TRIM26: variants seen among roughly 807,000 people sequenced by gnomAD.
TRIM26 encodes tripartite motif containing 26, also known as tripartite motif-containing protein 26.
TRIM26 carries 16 observed loss-of-function variants against 45.5 expected under a neutral mutation model. That is an observed-to-expected ratio of 0.35 (90% CI 0.24 to 0.53). The LOEUF (loss-of-function observed/expected upper bound fraction) is 0.53, where lower values mean the gene tolerates loss of function less well. TRIM26 is among the 20% of genes least tolerant of loss of function. TRIM26 has a pLI of 0.92. For missense variants in TRIM26, 442 were observed against 691.1 expected (o/e 0.64, Z 4.04); for synonymous variants, 273 against 290.4 (o/e 0.94, Z 0.61).
intron 3 of TRIM26, among the ~76,000 whole-genome samples, chr6:30,199,532 T>C (rs1403269683): frequency 2.6e-5 from 4 of 152,178 alleles, no homozygotes; most frequent in East Asian, 1.9e-4. Flanking sequence ...AAATCTACAA[T>C]GTCTACTGTG....
chr6:30,206,466 G>A (rs986405506), intron 1 of TRIM26, among the ~76,000 whole-genome samples: 2 of 152,392 alleles, frequency 1.3e-5, no homozygotes, highest in East Asian at 3.9e-4. Flanking sequence ...AGCCAGCTGG[G>A]AGGTGGATGA....
rs1383089822 is a variant in TRIM26, at chr6:30,189,340, G to A, written c.904+78C>T. Reference sequence around the variant, plus strand: ...GAAGAGTGAGGATCGACAAGGTGATGGAAAGGAGCTGGGTGCGCTCTTTCT... The same window carrying A: ...GAAGAGTGAGGATCGACAAGGTGATAGAAAGGAGCTGGGTGCGCTCTTTCT... On this transcript the variant is annotated intron_variant, in intron 8 of 9. Transcript: ENST00000454678. The surrounding 1 kb of genome is among the most constrained non-coding windows in gnomAD (Gnocchi z 5.0). 6.4e-7 allele frequency: 1 copy of A among 1,569,394 alleles called. No homozygotes were observed. The highest frequency in any genetic ancestry group is 8.8e-7 in the Non-Finnish European group (1 of 1,140,650).
At chr6:30,201,936 T>C (rs925061862) in intron 2 of TRIM26, among the ~76,000 whole-genome samples, 1 of 152,192 alleles carries the variant, frequency 6.6e-6, no homozygotes, top group Admixed American at 6.5e-5. Context: ...TCAGCAGTTT[T>C]TCAGTTGTAA....
rs148732367 is a variant in TRIM26, at chr6:30,206,228, T to C, written c.-375-1463A>G. Reference sequence around the variant, plus strand: ...AAAAAGCAAGTGATCTGGATGTGCATACTAGGAGTGACTGCACCCCTACTG... The same window carrying C: ...AAAAAGCAAGTGATCTGGATGTGCACACTAGGAGTGACTGCACCCCTACTG... On this transcript the variant is annotated intron_variant, in intron 1 of 9. Coordinates refer to ENST00000454678, the MANE Select transcript of TRIM26 (RefSeq NM_003449.5). 1.5e-3 allele frequency among the ~76,000 whole-genome samples: 234 copies of C among 152,358 alleles called. 1 individual carries two copies. The highest frequency in any genetic ancestry group is 5.4e-3 in the African/African-American group (224 of 41,592).
In TRIM26 at chr6:30,186,924, C is replaced by A; in HGVS notation, c.938-366G>T. The A allele has an allele frequency of 1.7e-6, 1 of 578,738 alleles. No homozygotes were observed. 35.9% of individuals were successfully genotyped at this position (578,738 alleles called of 1,614,324 possible). On this transcript the variant is annotated intron_variant, in intron 9 of 9. Transcript: ENST00000454678. The surrounding 1 kb of genome is among the most constrained non-coding windows in gnomAD (Gnocchi z 7.4). ...ATCACCAGTCCCTGAAAAATCTGTT[C>A]CATTTTCTTCATAATCCAGAAAAAA...
Position 30,207,316 on chromosome 6 carries a change from G to A in TRIM26, c.-375-2551C>T, listed in dbSNP as rs945421876. Reference sequence around the variant, plus strand: ...AGGTGCCGACTATGTGTCAGGCACCGAGGTTACAGCAGAGAACAAAAGTGG... The same window carrying A: ...AGGTGCCGACTATGTGTCAGGCACCAAGGTTACAGCAGAGAACAAAAGTGG... On this transcript the variant is annotated intron_variant, in intron 1 of 9. Transcript: ENST00000454678. The surrounding 1 kb of genome is among the most constrained non-coding windows in gnomAD (Gnocchi z 4.9). Among the ~76,000 whole-genome samples, 2 of 152,186 alleles carry A rather than the reference G, an allele frequency of 1.3e-5. No homozygotes were observed. The highest frequency in any genetic ancestry group is 4.8e-5 in the African/African-American group (2 of 41,440).
chr6:30,187,937 A>AAAAAGAAATTTGGGACAGAT (rs1562185876), intron 9 of TRIM26, among the ~76,000 whole-genome samples: 2 of 107,368 alleles, frequency 1.9e-5, no homozygotes, highest in Non-Finnish European at 3.8e-5. Flanking sequence ...AAAAAAAAAA[A>AAAAAGAAATTTGGGACAGAT]GGCCGGGCGC....
At chr6:30,208,752 T>A (rs1777971824) in intron 1 of TRIM26, among the ~76,000 whole-genome samples, 1 of 152,188 alleles carries the variant, frequency 6.6e-6, no homozygotes, top group Non-Finnish European at 1.5e-5. Context: ...GTACCCTCAA[T>A]TTGACTAAGC....
In TRIM26 at chr6:30,189,039, T is replaced by C. The variant is rs895589737; in HGVS notation, c.937+128A>G. On this transcript the variant is annotated intron_variant, in intron 9 of 9. Coordinates refer to ENST00000454678, the MANE Select transcript of TRIM26 (RefSeq NM_003449.5). This position sits in a 1 kb window ranked among gnomAD's most constrained non-coding sequence, Gnocchi z 5.0. The stretch of plus-strand genomic sequence containing the variant: ...GTGCAAAGAGGGAGGGGGGCTTCTA[T>C]TGTGCAGCTGGGAAATTCTTCCTGT... The C allele has an allele frequency of 1.8e-5, 18 of 1,018,864 alleles. No homozygotes were observed. Among genetic ancestry groups the C allele is most frequent in the Non-Finnish European group, 7.3e-6 (5 of 683,008 alleles). The allele number at this position is 1,018,864 out of a possible 1,614,324, so 63.1% of individuals were successfully genotyped here.
Position 30,190,153 on chromosome 6 carries a change from C to T in TRIM26, c.766-118G>A. On this transcript the variant is annotated intron_variant, in intron 6 of 9. Coordinates refer to ENST00000454678, the MANE Select transcript of TRIM26 (RefSeq NM_003449.5). The surrounding 1 kb of genome is among the most constrained non-coding windows in gnomAD (Gnocchi z 4.3). ...TCAGTGAACAAAACAAATGTGGTCC[C>T]TTTTTTATGGAGCTGACATTCCAGT... 4.5e-6 allele frequency: 5 copies of T among 1,109,980 alleles called. No individual in the cohort carries two copies. Among genetic ancestry groups the T allele is most frequent in the Non-Finnish European group, 6.7e-6 (5 of 750,286 alleles). The allele number at this position is 1,109,980 out of a possible 1,614,324, so 68.8% of individuals were successfully genotyped here.
Position 30,207,063 on chromosome 6 carries a change from T to C in TRIM26, c.-375-2298A>G, listed in dbSNP as rs1777798725. 6.6e-6 allele frequency among the ~76,000 whole-genome samples: 1 copy of C among 152,178 alleles called. No homozygotes were observed. Among genetic ancestry groups the C allele is most frequent in the African/African-American group, 2.4e-5 (1 of 41,432 alleles). ...GGGTTAGCCTCACAGGCAGAGGAAATCATCCGCCGGAGAAAGGGTAGCGGT... is the reference window on the plus strand; with the variant it reads ...GGGTTAGCCTCACAGGCAGAGGAAACCATCCGCCGGAGAAAGGGTAGCGGT... On this transcript the variant is annotated intron_variant, in intron 1 of 9. Coordinates refer to ENST00000454678, the MANE Select transcript of TRIM26 (RefSeq NM_003449.5). The surrounding 1 kb of genome is among the most constrained non-coding windows in gnomAD (Gnocchi z 4.9).
Position 30,186,273 on chromosome 6 carries a change from T to C in TRIM26, c.1223A>G (p.Asp408Gly). ...CTCATCTTCGTCCGTTTCCCAGTCG[T>C]CATATCCATCCCCATAGCCGGCCTC... Reference protein sequence around the residue: ...EEEAGYGDGYDDWETDEDEES... With the variant: ...EEEAGYGDGYGDWETDEDEES... Residue 408 changes from aspartate to glycine, a missense_variant, in exon 10 of 10, where the codon GAC (aspartate) becomes GGC (glycine). Coordinates refer to ENST00000454678, the MANE Select transcript of TRIM26 (RefSeq NM_003449.5). The surrounding 1 kb of genome is among the most constrained non-coding windows in gnomAD (Gnocchi z 7.4). The C allele has an allele frequency of 6.2e-7, 1 of 1,608,096 alleles. No homozygotes were observed. The highest frequency in any genetic ancestry group is 8.5e-7 in the Non-Finnish European group (1 of 1,176,728).
At chr6:30,199,866 G>A (rs1776957898) in intron 3 of TRIM26, among the ~76,000 whole-genome samples, 1 of 151,990 alleles carries the variant, frequency 6.6e-6, no homozygotes. Flanking sequence ...TTGATCTCCC[G>A]ACCTCGTGAT....
chr6:30,211,997 C>T (rs1269204562), intron 1 of TRIM26, among the ~76,000 whole-genome samples: 1 of 152,146 alleles, frequency 6.6e-6, no homozygotes, highest in Non-Finnish European at 1.5e-5. Flanking sequence ...GGACAATACA[C>T]GCAAAGAGTG....
chr6:30,201,815 T>C (rs1222806268), intron 2 of TRIM26, among the ~76,000 whole-genome samples: 2 of 150,874 alleles, frequency 1.3e-5, no homozygotes, highest in Non-Finnish European at 2.9e-5. Context: ...GCCATTGCAC[T>C]CCAGCCTGGG....
chr6:30,193,114 ATGTGTATATATATATACATATATGTG>A (rs1776047562), intron 6 of TRIM26, among the ~76,000 whole-genome samples: 1 of 93,654 alleles, frequency 1.1e-5, no homozygotes, highest in Non-Finnish European at 2.1e-5. Context: ...ATACATATAT[ATGTGTATATATATATACATATATGTG>A]TGTGTGTGTG....
rs143109019 is a variant in TRIM26 at position 30,202,474 on chromosome 6, A to G, written c.-265-1336T>C. ...TAGTACCCATGGTGCCAAAGCACCA[A>G]TGAATGGATTACTTCCTGACATACC... On this transcript the variant is annotated intron_variant, in intron 2 of 9. Coordinates refer to ENST00000454678, the MANE Select transcript of TRIM26 (RefSeq NM_003449.5). 7.6e-3 allele frequency among the ~76,000 whole-genome samples: 1,165 copies of G among 152,382 alleles called. 9 individuals carry two copies. Among genetic ancestry groups the G allele is most frequent in the Middle Eastern group, 0.027 (8 of 292 alleles).
chr6:30,204,132 A>G (rs1302290815), intron 2 of TRIM26, among the ~76,000 whole-genome samples: 1 of 152,198 alleles, frequency 6.6e-6, no homozygotes, highest in Non-Finnish European at 1.5e-5. Flanking sequence ...TACCACTTCT[A>G]TGACCAATCC....
chr6:30,189,927 C>A lies in TRIM26; in HGVS notation c.788+86G>T. ...TGAGTACCTCTGGCACCATACCACT[C>A]CCCATGAATTCAAATGCACCTGGTC... On this transcript the variant is annotated intron_variant, in intron 7 of 9. Coordinates refer to ENST00000454678, the MANE Select transcript of TRIM26 (RefSeq NM_003449.5). This position sits in a 1 kb window ranked among gnomAD's most constrained non-coding sequence, Gnocchi z 5.0. 6.6e-7 allele frequency: 1 copy of A among 1,522,272 alleles called. No individual in the cohort carries two copies. The allele number at this position is 1,522,272 out of a possible 1,614,324, so 94.3% of individuals were successfully genotyped here. A position where few individuals can be genotyped will look rare whatever the true frequency, so the allele number is the denominator to read the frequency against.
Sources: gnomAD v4.1 joint callset for allele counts (sites outside exome capture counted in the v4.1 genomes callset) on GRCh38, gnomAD v4.1.1 for gene constraint, Gnocchi (gnomAD v3.1) non-coding constraint, MANE v1.5 for transcripts, NCBI Gene and HGNC (gene_info 2026-07-23, HGNC 2026-07-21) for gene names.